Variants in NUP214 observed in about 807,000 individuals in gnomAD.
NUP214 encodes nuclear pore complex protein Nup214.
A neutral mutation model predicts 196.2 loss-of-function variants in NUP214; 79 were observed. That is an observed-to-expected ratio of 0.40 (90% CI 0.34 to 0.49). The LOEUF is 0.49. NUP214 is among the 20% of genes least tolerant of loss of function. The probability of loss-of-function intolerance (pLI) is 0.58; values close to 1 mark genes in which losing one functional copy is unlikely to be tolerated. For synonymous variants in NUP214, 1,020 were observed against 990.5 expected, an observed-to-expected ratio of 1.03 and a Z score of -0.56; for missense variants, 2,468 against 2,539.0, an observed-to-expected ratio of 0.97 and a Z score of 0.60.
chr9:131,183,474 T>C (rs1288335395), intron 24 of NUP214, among the ~76,000 whole-genome samples: 2 of 152,230 alleles, frequency 1.3e-5, no homozygotes, highest in African/African-American at 4.8e-5. Flanking sequence ...CATTCCTGTG[T>C]CTGGTCCCAG....
chr9:131,169,961 C>G (rs533945671), intron 21 of NUP214, among the ~76,000 whole-genome samples: 1 of 152,150 alleles, frequency 6.6e-6, no homozygotes, highest in East Asian at 1.9e-4. Context: ...GTAGTCAAAA[C>G]TATAGAGACA....
In NUP214 at chr9:131,230,031, C is replaced by CT. The variant is rs767941985; in HGVS notation, c.6075-597dup. On this transcript the variant is annotated intron_variant, in intron 33 of 35. Coordinates refer to ENST00000359428, the MANE Select transcript of NUP214 (RefSeq NM_005085.4). Reference sequence around the variant, plus strand: ...GCTCTGATAGGTCACACAGTGCCACCTTGTGTGCTGGACCATATCTGGAGG... The same window carrying CT: ...GCTCTGATAGGTCACACAGTGCCACCTTTGTGTGCTGGACCATATCTGGAGG... 13 of 310,678 alleles carry CT rather than the reference C, an allele frequency of 4.2e-5. No homozygotes were observed. The East Asian group carries it at 1.3e-3, about 31-fold the overall frequency. The allele number at this position is 310,678 out of a possible 1,614,324, so 19.2% of individuals were successfully genotyped here.
intron 27 of NUP214, 97 bp downstream of exon 27, chr9:131,192,389 T>A: frequency 1.4e-6 from 1 of 727,502 alleles, no homozygotes. Flanking sequence ...TAAATGTGTA[T>A]GAACCCAGAG....
chr9:131,157,284 C>G (rs1832481583), intron 17 of NUP214, among the ~76,000 whole-genome samples: 1 of 151,880 alleles, frequency 6.6e-6, no homozygotes, highest in South Asian at 2.1e-4. Context: ...CTTCAGCCTC[C>G]TAAGTAGCTA....
intron 29 of NUP214, among the ~76,000 whole-genome samples, chr9:131,201,115 T>G (rs1437880356): frequency 6.8e-6 from 1 of 148,068 alleles, no homozygotes; most frequent in African/African-American, 2.5e-5. Flanking sequence ...TGAGGAAACA[T>G]TTTATTCATA....
At position 131,133,179 on chromosome 9, in the gene NUP214, G is replaced by C; in HGVS notation, c.801G>C (p.Thr267=). Residue 267 remains threonine, a synonymous_variant, in exon 7 of 36, where the codon ACG becomes ACC. Coordinates refer to ENST00000359428, the MANE Select transcript of NUP214 (RefSeq NM_005085.4). ...CTGCTGCAGATGGGACCCTGGAAACGTCTCCAGATGTGGTGATGGCTCTAC... is the reference window on the plus strand; with the variant it reads ...CTGCTGCAGATGGGACCCTGGAAACCTCTCCAGATGTGGTGATGGCTCTAC... ...VYAAADGTLE[T]SPDVVMALLP... 1 of 1,591,444 alleles carries C rather than the reference G, an allele frequency of 6.3e-7. No individual in the cohort carries two copies. Among genetic ancestry groups the C allele is most frequent in the Non-Finnish European group, 8.5e-7 (1 of 1,172,534 alleles).
At chr9:131,229,670 G>A (rs1300264363) in intron 33 of NUP214, 1 of 512,094 alleles carries the variant, frequency 2.0e-6, no homozygotes, top group Non-Finnish European at 3.9e-6. Context: ...CAGGTCCCTG[G>A]CCATGAGCCT....
intron 31 of NUP214, among the ~76,000 whole-genome samples, chr9:131,215,869 C>A (rs902622102): frequency 6.7e-6 from 1 of 149,776 alleles, no homozygotes; most frequent in Admixed American, 6.6e-5. Context: ...TCATCTGAAG[C>A]TGTATCTGCC....
chr9:131,130,479 C>T (rs1308863348), intron 4 of NUP214, among the ~76,000 whole-genome samples: 1 of 152,108 alleles, frequency 6.6e-6, no homozygotes, highest in African/African-American at 2.4e-5. Context: ...CTTCTCTGTT[C>T]TCCTTGTCTT....
chr9:131,185,767 CA>C (rs1293051520), intron 24 of NUP214, among the ~76,000 whole-genome samples: 1 of 152,084 alleles, frequency 6.6e-6, no homozygotes, highest in Non-Finnish European at 1.5e-5. Flanking sequence ...CATTTCTTTG[CA>C]GGGGTGTCAC....
chr9:131,166,710 T>G (rs1049844102), intron 21 of NUP214, among the ~76,000 whole-genome samples: 7 of 152,158 alleles, frequency 4.6e-5, no homozygotes, highest in African/African-American at 1.7e-4. Context: ...GTTTTCCTTC[T>G]TCCCCTAAGG....
At position 131,164,102 on chromosome 9, in the gene NUP214, T is replaced by C. The variant is rs1832718311; in HGVS notation, c.2851T>C (p.Leu951=). The change falls in exon 21 of 36, where the codon TTG becomes CTG. Residue 951 remains leucine, a synonymous_variant. Transcript: ENST00000359428. ...PMKQAQLRNF[L]AKRKTPPVRS... is the part of the protein sequence containing the mutation. ...GAAACAGGCACAACTGAGAAACTTC[T>C]TGGCCAAGAGGAAGACCCCACCAGT... 1 of 1,614,052 alleles carries C rather than the reference T, an allele frequency of 6.2e-7. No homozygotes were observed. The highest frequency in any genetic ancestry group is 1.3e-5 in the African/African-American group (1 of 74,922).
intron 24 of NUP214, 87 bp from the exon 25 acceptor site, chr9:131,187,202 A>C: frequency 8.9e-7 from 1 of 1,122,518 alleles, no homozygotes; most frequent in Non-Finnish European, 1.4e-6. Context: ...CTGGTATTGT[A>C]TATTGGACAG....
At chr9:131,229,946 C>T (rs542017467) in intron 33 of NUP214, 1 of 355,920 alleles carries the variant, frequency 2.8e-6, no homozygotes, top group East Asian at 8.2e-5. Flanking sequence ...CACCTAGTCA[C>T]CTCCAGACCC....
At chr9:131,192,576 G>T in intron 27 of NUP214, 1 of 232,250 alleles carries the variant, frequency 4.3e-6, no homozygotes, top group Non-Finnish European at 8.3e-6. Flanking sequence ...AAATTCTGTA[G>T]TTCATCTAGT....
chr9:131,223,063 C>T, intron 32 of NUP214, 133 bp downstream of exon 32: 3 of 711,686 alleles, frequency 4.2e-6, no homozygotes, highest in Admixed American at 3.6e-5. Flanking sequence ...ACTGTTTCCT[C>T]CGCATTATTT....
At position 131,198,095 on chromosome 9, in the gene NUP214, C is replaced by T; in HGVS notation, c.4601C>T (p.Ser1534Phe). Reference protein sequence around the residue: ...AQLPQAPPQTSDSVKKEPVLA... With the variant: ...AQLPQAPPQTFDSVKKEPVLA... The stretch of plus-strand genomic sequence containing the variant: ...CTTCCCCAGGCTCCTCCGCAAACTT[C>T]TGACTCTGTTAAAAAAGAACCTGTT... The change falls in exon 29 of 36, where the codon TCT becomes TTT. Residue 1534 changes from serine to phenylalanine, a missense_variant. Coordinates refer to ENST00000359428, the MANE Select transcript of NUP214 (RefSeq NM_005085.4). The T allele has an allele frequency of 6.2e-7, 1 of 1,614,214 alleles. No individual in the cohort carries two copies. The highest frequency in any genetic ancestry group is 8.5e-7 in the Non-Finnish European group (1 of 1,180,034).
chr9:131,196,139 G>A (rs890842900), intron 28 of NUP214, among the ~76,000 whole-genome samples: 22 of 150,036 alleles, frequency 1.5e-4, no homozygotes, highest in African/African-American at 4.9e-4. Flanking sequence ...TCAGTTATCC[G>A]TTTATGATTA....
At chr9:131,169,316 G>A (rs1832888033) in intron 21 of NUP214, among the ~76,000 whole-genome samples, 1 of 152,048 alleles carries the variant, frequency 6.6e-6, no homozygotes, top group Admixed American at 6.6e-5. Flanking sequence ...TTACAGGTGT[G>A]AGCCACCACG....
Sources: gnomAD v4.1 joint callset for allele counts (sites outside exome capture counted in the v4.1 genomes callset) on GRCh38, gnomAD v4.1.1 for gene constraint, MANE v1.5 for transcripts, NCBI Gene and HGNC (gene_info 2026-07-23, HGNC 2026-07-21) for gene names.